C12orf60: variants seen among roughly 807,000 people sequenced by gnomAD.
C12orf60 encodes uncharacterized protein C12orf60.
For missense variants in C12orf60, 284 were observed against 283.2 expected (o/e 1.00, Z -0.02); for synonymous variants, 102 against 94.6 (o/e 1.08, Z -0.45).
chr12:14,810,174 G>A (rs1266985874), intron 1 of C12orf60, among the ~76,000 whole-genome samples: 1 of 152,146 alleles, frequency 6.6e-6, no homozygotes, highest in Non-Finnish European at 1.5e-5. Flanking sequence ...TGGGTGGGGA[G>A]TGGGGAGGGT....
At chr12:14,819,179 CATTT>C (rs1950269247) in intron 1 of C12orf60, among the ~76,000 whole-genome samples, 1 of 151,962 alleles carries the variant, frequency 6.6e-6, no homozygotes, top group African/African-American at 2.4e-5. Flanking sequence ...TTTATCTCTC[CATTT>C]ATTTACATTT....
intron 1 of C12orf60, among the ~76,000 whole-genome samples, chr12:14,807,902 AG>A (rs1950078116): frequency 6.6e-6 from 1 of 152,356 alleles, no homozygotes; most frequent in East Asian, 1.9e-4. Context: ...ATGGTGGCTC[AG>A]GCCTGTAATC....
chr12:14,815,846 C>T (rs916323054), intron 1 of C12orf60, among the ~76,000 whole-genome samples: 4 of 152,196 alleles, frequency 2.6e-5, no homozygotes. Context: ...CCTATTTCTA[C>T]CCTTCTTAAC....
At chr12:14,812,993 A>C (rs980012142) in intron 1 of C12orf60, among the ~76,000 whole-genome samples, 1 of 152,198 alleles carries the variant, frequency 6.6e-6, no homozygotes, top group Non-Finnish European at 1.5e-5. Context: ...AACATTTAAG[A>C]TGAAATGAAA....
At position 14,823,695 on chromosome 12, in the gene C12orf60, T is replaced by C. The variant is rs1950342492; in HGVS notation, c.*22T>C. On this transcript the variant is annotated 3_prime_UTR_variant, in exon 2 of 2. Transcript: ENST00000330828. ...GTAGGGATGCAACAGAAATGTTCAT[T>C]TCTGTCAGAAAACTACTTAAAATCT... 4 of 1,516,584 alleles carry C rather than the reference T, an allele frequency of 2.6e-6. No individual in the cohort carries two copies. The highest frequency in any genetic ancestry group is 1.4e-5 in the African/African-American group (1 of 71,678). 93.9% of individuals were successfully genotyped at this position (1,516,584 alleles called of 1,614,324 possible). A position where few individuals can be genotyped will look rare whatever the true frequency, so the allele number is the denominator to read the frequency against.
intron 1 of C12orf60, among the ~76,000 whole-genome samples, chr12:14,821,476 C>T (rs1353033859): frequency 6.6e-6 from 1 of 152,096 alleles, no homozygotes; most frequent in African/African-American, 2.4e-5. Flanking sequence ...TTCCATGGCC[C>T]CATTGTTTCC....
intron 1 of C12orf60, among the ~76,000 whole-genome samples, chr12:14,813,631 T>C (rs1950174074): frequency 6.6e-6 from 1 of 152,198 alleles, no homozygotes; most frequent in Admixed American, 6.5e-5. Context: ...TAACAGCCTG[T>C]TTGGAGACAC....
chr12:14,803,704 T>TTTTAGAG lies in C12orf60; in HGVS notation c.-72_-71insTTTAGAG, dbSNP rs1950001845. ...TAGCTGCTAACTGAGTGGCTGACGGTCCTGTCTCTCGAGTTGGAGGCATCT... is the reference window on the plus strand; with the variant it reads ...TAGCTGCTAACTGAGTGGCTGACGGTTTTAGAGCCTGTCTCTCGAGTTGGAGGCATCT... On this transcript the variant is annotated 5_prime_UTR_variant, in exon 1 of 2. Transcript: ENST00000330828. The TTTTAGAG allele has an allele frequency of 3.9e-5, 15 of 387,652 alleles. No individual in the cohort carries two copies. Among genetic ancestry groups the TTTTAGAG allele is most frequent in the Non-Finnish European group, 5.9e-5 (13 of 219,860 alleles). 24.0% of individuals were successfully genotyped at this position (387,652 alleles called of 1,614,324 possible).
At chr12:14,818,125 G>A (rs554325337) in intron 1 of C12orf60, among the ~76,000 whole-genome samples, 3 of 152,120 alleles carry the variant, frequency 2.0e-5, no homozygotes, top group Non-Finnish European at 4.4e-5. Flanking sequence ...GTCGTGTAAA[G>A]ATCTTCTTTT....
chr12:14,806,278 G>A (rs1950047992), intron 1 of C12orf60: 1 of 1,614,214 alleles, frequency 6.2e-7, no homozygotes, highest in East Asian at 2.2e-5. Context: ...GAGCCCACAA[G>A]TTTAACAGCG....
At chr12:14,803,814 C>G (rs985958589) in intron 1 of C12orf60, 63 bp downstream of exon 1, 1 of 252,108 alleles carries the variant, frequency 4.0e-6, no homozygotes, top group Non-Finnish European at 7.5e-6. Context: ...CGTTTTCTGT[C>G]TTTTGGAATT....
chr12:14,806,653 C>G, intron 1 of C12orf60: 1 of 1,608,146 alleles, frequency 6.2e-7, no homozygotes, highest in Non-Finnish European at 8.5e-7. Context: ...TTTGGGTTCT[C>G]TGGGTAAAGG....
chr12:14,819,027 G>T lies in C12orf60; in HGVS notation c.-24-3885G>T, dbSNP rs897745794. 2.6e-5 allele frequency among the ~76,000 whole-genome samples: 4 copies of T among 152,000 alleles called. No individual in the cohort carries two copies. The East Asian group carries it at 5.8e-4, about 22-fold the overall frequency. On this transcript the variant is annotated intron_variant, in intron 1 of 1. Coordinates refer to ENST00000330828, the MANE Select transcript of C12orf60 (RefSeq NM_175874.4). ...TGTTCTGTATCTATAAAGAATCTTGGTGGCATTTTTATTGTGATTGCATTA... is the reference window on the plus strand; with the variant it reads ...TGTTCTGTATCTATAAAGAATCTTGTTGGCATTTTTATTGTGATTGCATTA...
At chr12:14,805,576 G>A (rs996368206) in intron 1 of C12orf60, 1 of 156,532 alleles carries the variant, frequency 6.4e-6, no homozygotes, top group Admixed American at 6.3e-5. Flanking sequence ...TTTGTGTCTA[G>A]GCAGAAGTTA....
chr12:14,816,742 TTC>T (rs1950224896), intron 1 of C12orf60, among the ~76,000 whole-genome samples: 1 of 147,802 alleles, frequency 6.8e-6, no homozygotes, highest in South Asian at 2.2e-4. Context: ...TCTTTATATT[TTC>T]TCTTTTTTTT....
At chr12:14,819,672 T>G (rs910119774) in intron 1 of C12orf60, among the ~76,000 whole-genome samples, 8 of 152,262 alleles carry the variant, frequency 5.3e-5, no homozygotes, top group Middle Eastern at 6.8e-3. Flanking sequence ...AAGGAAGTTT[T>G]CTTATATTCC....
chr12:14,806,964 T>A (rs1212902824), intron 1 of C12orf60, among the ~76,000 whole-genome samples: 1 of 152,188 alleles, frequency 6.6e-6, no homozygotes, highest in African/African-American at 2.4e-5. Flanking sequence ...CCCGAGTAGC[T>A]GGGATTACAG....
At chr12:14,819,911 C>T (rs1001335576) in intron 1 of C12orf60, among the ~76,000 whole-genome samples, 36 of 151,750 alleles carry the variant, frequency 2.4e-4, no homozygotes, top group African/African-American at 7.7e-4. Flanking sequence ...AGGTATTCTC[C>T]CTTCTGTTTT....
chr12:14,821,807 C>T (rs1042014363), intron 1 of C12orf60, among the ~76,000 whole-genome samples: 5 of 151,982 alleles, frequency 3.3e-5, no homozygotes, highest in Non-Finnish European at 7.4e-5. Context: ...AACTGGTTCT[C>T]ACCTGGGGGC....
Sources: gnomAD v4.1 joint callset for allele counts (sites outside exome capture counted in the v4.1 genomes callset) on GRCh38, gnomAD v4.1.1 for gene constraint, MANE v1.5 for transcripts, NCBI Gene and HGNC (gene_info 2026-07-23, HGNC 2026-07-21) for gene names.